Variants in GRM7 observed in about 807,000 individuals in gnomAD.
GRM7 encodes glutamate metabotropic receptor 7, also known as metabotropic glutamate receptor 7.
A neutral mutation model predicts 84.5 loss-of-function variants in GRM7; 35 were observed. The observed-to-expected ratio is 0.41, with a 90% CI of 0.32 to 0.55. The LOEUF (loss-of-function observed/expected upper bound fraction) is 0.55, where lower values mean the gene tolerates loss of function less well. Ranked by LOEUF, GRM7 falls within the 20% of genes least tolerant of loss-of-function variation. The pLI is 0.19. For synonymous variants in GRM7, 487 were observed against 455.1 expected (o/e 1.07, Z -0.89); for missense variants, 1,003 against 1,194.6 (o/e 0.84, Z 2.36).
chr3:7,004,925 A>G (rs1192246996), intron 1 of GRM7, among the ~76,000 whole-genome samples: 1 of 152,198 alleles, frequency 6.6e-6, no homozygotes, highest in African/African-American at 2.4e-5. Flanking sequence ...TATGAGACTT[A>G]GATTTCAGGC....
intron 2 of GRM7, among the ~76,000 whole-genome samples, chr3:7,246,361 G>A (rs1436057959): frequency 6.6e-6 from 1 of 152,100 alleles, no homozygotes; most frequent in East Asian, 1.9e-4. Flanking sequence ...TCTGCACATT[G>A]GCACATCTTT....
chr3:6,889,442 GC>G (rs1425738000), intron 1 of GRM7, among the ~76,000 whole-genome samples: 4 of 151,430 alleles, frequency 2.6e-5, no homozygotes, highest in Non-Finnish European at 4.4e-5. Context: ...TTAGCATGAA[GC>G]GTTGTTGAAT....
At chr3:7,262,508 A>G (rs74603158) in intron 2 of GRM7, among the ~76,000 whole-genome samples, 3,450 of 152,162 alleles carry the variant, frequency 0.023, 123 homozygotes, top group African/African-American at 0.078. Context: ...GTATCATTTT[A>G]TTGCAATTCT....
At chr3:6,958,646 T>A (rs545068414) in intron 1 of GRM7, among the ~76,000 whole-genome samples, 1 of 152,198 alleles carries the variant, frequency 6.6e-6, no homozygotes, top group African/African-American at 2.4e-5. Context: ...ATGTCTGACA[T>A]GTATCTGAGA....
chr3:6,958,580 A>C (rs1693163293), intron 1 of GRM7, among the ~76,000 whole-genome samples: 1 of 152,176 alleles, frequency 6.6e-6, no homozygotes, highest in Admixed American at 6.5e-5. Flanking sequence ...TCATTTTCTA[A>C]GACATTTGGT....
At chr3:7,679,975 C>G in intron 8 of GRM7, 74 bp from the exon 9 acceptor site, 5 of 1,398,490 alleles carry the variant, frequency 3.6e-6, no homozygotes, top group Non-Finnish European at 5.0e-6. Flanking sequence ...TCGTTCTTGA[C>G]ATCGCTTTAA....
chr3:7,644,120 T>C (rs1289921519), intron 8 of GRM7, among the ~76,000 whole-genome samples: 2 of 119,916 alleles, frequency 1.7e-5, no homozygotes, highest in East Asian at 4.4e-4. Context: ...ACTGTGCATG[T>C]TGTGTGTGTG....
At chr3:7,389,286 A>C (rs1694900734) in intron 4 of GRM7, among the ~76,000 whole-genome samples, 1 of 152,142 alleles carries the variant, frequency 6.6e-6, no homozygotes, top group Admixed American at 6.6e-5. Flanking sequence ...GAATTGCTTT[A>C]TGACTGAGAA....
chr3:7,119,240 C>G (rs1264618393), intron 1 of GRM7, among the ~76,000 whole-genome samples: 2 of 152,010 alleles, frequency 1.3e-5, no homozygotes, highest in Non-Finnish European at 2.9e-5. Flanking sequence ...ATGATACATT[C>G]ACATTTTTAT....
chr3:7,186,929 A>G (rs560689586), intron 2 of GRM7, among the ~76,000 whole-genome samples: 1 of 152,280 alleles, frequency 6.6e-6, no homozygotes, highest in Non-Finnish European at 1.5e-5. Flanking sequence ...GTCAAAGTTA[A>G]TAATTGGAGT....
intron 1 of GRM7, among the ~76,000 whole-genome samples, chr3:7,049,184 A>G (rs1347243759): frequency 1.3e-5 from 2 of 151,942 alleles, no homozygotes; most frequent in African/African-American, 2.4e-5. Context: ...GAGCCAAACC[A>G]CATACTATAA....
At chr3:7,484,069 G>A (rs1225571261) in intron 7 of GRM7, among the ~76,000 whole-genome samples, 1 of 152,134 alleles carries the variant, frequency 6.6e-6, no homozygotes, top group Non-Finnish European at 1.5e-5. Flanking sequence ...TCTATAATTA[G>A]TTTATTTCCA....
intron 7 of GRM7, among the ~76,000 whole-genome samples, chr3:7,543,331 G>A (rs1177963933): frequency 6.6e-6 from 1 of 152,186 alleles, no homozygotes; most frequent in African/African-American, 2.4e-5. Flanking sequence ...AAGTAGCCAG[G>A]GCACAAGTGG....
chr3:6,979,530 A>G (rs1373886275), intron 1 of GRM7, among the ~76,000 whole-genome samples: 2 of 150,672 alleles, frequency 1.3e-5, no homozygotes, highest in South Asian at 2.1e-4. Context: ...GATATTTATT[A>G]ACAGCTAAAA....
At chr3:7,664,305 A>T (rs1423854744) in intron 8 of GRM7, among the ~76,000 whole-genome samples, 2 of 152,256 alleles carry the variant, frequency 1.3e-5, no homozygotes, top group East Asian at 3.9e-4. Flanking sequence ...GGAATAAATT[A>T]TCTTTTGTCC....
At chr3:7,248,650 A>G (rs1456239552) in intron 2 of GRM7, among the ~76,000 whole-genome samples, 8 of 151,222 alleles carry the variant, frequency 5.3e-5, no homozygotes, top group African/African-American at 2.0e-4. Context: ...GTAAGGGTTC[A>G]TTTCTTTCCA....
At chr3:6,968,266 C>G (rs1693605328) in intron 1 of GRM7, among the ~76,000 whole-genome samples, 1 of 152,090 alleles carries the variant, frequency 6.6e-6, no homozygotes, top group Non-Finnish European at 1.5e-5. Context: ...ATCATCTTTC[C>G]TCTGTGCCTG....
chr3:7,297,213 A>G (rs1699845571), intron 2 of GRM7, among the ~76,000 whole-genome samples: 1 of 152,132 alleles, frequency 6.6e-6, no homozygotes, highest in Non-Finnish European at 1.5e-5. Flanking sequence ...TATTTAGCTC[A>G]AAATATTTTA....
At chr3:7,336,100 A>G (rs1701409220) in intron 4 of GRM7, among the ~76,000 whole-genome samples, 1 of 151,356 alleles carries the variant, frequency 6.6e-6, no homozygotes, top group African/African-American at 2.4e-5. Flanking sequence ...ACAAAAAAAA[A>G]CACAGACCAA....
Sources: allele counts gnomAD v4.1 joint callset (sites outside exome capture counted in the v4.1 genomes callset), GRCh38; gene constraint gnomAD v4.1.1; transcripts MANE v1.5; gene names NCBI Gene and HGNC (gene_info 2026-07-23, HGNC 2026-07-21).